RGS10: variants seen among roughly 807,000 people sequenced by gnomAD.
RGS10 encodes regulator of G protein signaling 10.
Under a neutral mutation model 23.5 loss-of-function variants are expected in RGS10, and 11 were observed. The ratio of observed to expected loss-of-function variants is 0.47; its 90% confidence interval spans 0.29 to 0.77. RGS10 has a LOEUF of 0.77. Ranked by LOEUF, RGS10 falls within the 30% of genes least tolerant of loss-of-function variation. The pLI, the probability that RGS10 is intolerant of heterozygous loss-of-function variation, is 0.08. For synonymous variants in RGS10, 77 were observed against 83.2 expected (o/e 0.92, Z 0.41); for missense variants, 180 against 226.3 (o/e 0.80, Z 1.31).
At chr10:119,504,745 T>G (rs1407849748) in intron 4 of RGS10, among the ~76,000 whole-genome samples, 2 of 151,918 alleles carry the variant, frequency 1.3e-5, no homozygotes, top group East Asian at 3.9e-4. Context: ...GAGGGAGACA[T>G]CGGTGATGCA....
intron 4 of RGS10, among the ~76,000 whole-genome samples, chr10:119,505,741 A>G (rs1165460808): frequency 6.6e-6 from 1 of 152,188 alleles, no homozygotes; most frequent in Non-Finnish European, 1.5e-5. Flanking sequence ...CCAGCCTTGA[A>G]GGCCCCTCTG....
chr10:119,534,304 T>TAAAA (rs370365968), intron 1 of RGS10, among the ~76,000 whole-genome samples: 30 of 117,258 alleles, frequency 2.6e-4, no homozygotes, highest in East Asian at 8.1e-4. Flanking sequence ...AATAAATAAA[T>TAAAA]AAAAAAGGCC....
intron 4 of RGS10, among the ~76,000 whole-genome samples, chr10:119,502,606 A>C (rs1843964976): frequency 6.6e-6 from 1 of 151,734 alleles, no homozygotes; most frequent in East Asian, 1.9e-4. Flanking sequence ...GAGGAGGGGG[A>C]GGGAAGGAGG....
At chr10:119,506,477 C>T (rs937826808) in intron 4 of RGS10, among the ~76,000 whole-genome samples, 18 of 152,354 alleles carry the variant, frequency 1.2e-4, no homozygotes, top group African/African-American at 3.8e-4. Flanking sequence ...CTCGCTTGGA[C>T]GATATCCCCT....
rs990949079 is a variant in RGS10, at chr10:119,520,395, AGCC to A, written c.256-4746_256-4744del. Among the ~76,000 whole-genome samples, 12 of 152,264 alleles carry A rather than the reference AGCC, an allele frequency of 7.9e-5. No individual in the cohort carries two copies. In the South Asian group the frequency reaches 8.3e-4, roughly 11 times the overall value. On this transcript the variant is annotated intron_variant, in intron 3 of 4. Coordinates refer to ENST00000369103, the MANE Select transcript of RGS10 (RefSeq NM_001005339.2). Reference sequence around the variant, plus strand: ...CGGCAGGAGCTCGAGGGCATCAGGTAGCCCAGACGGAATTGATGAGGGCGGCAG... The same window carrying A: ...CGGCAGGAGCTCGAGGGCATCAGGTACAGACGGAATTGATGAGGGCGGCAG...
chr10:119,501,580 G>A (rs774940972), intron 4 of RGS10, among the ~76,000 whole-genome samples: 4 of 151,876 alleles, frequency 2.6e-5, no homozygotes, highest in Non-Finnish European at 5.9e-5. Context: ...AAAATTAGCC[G>A]AGCGTGGTGG....
At chr10:119,521,792 T>C (rs560785826) in intron 3 of RGS10, among the ~76,000 whole-genome samples, 1 of 151,388 alleles carries the variant, frequency 6.6e-6, no homozygotes, top group Admixed American at 6.6e-5. Flanking sequence ...GACTAAGGAA[T>C]AATGTCTTCA....
chr10:119,536,723 CAA>C (rs1042057376), intron 1 of RGS10, among the ~76,000 whole-genome samples: 20 of 152,104 alleles, frequency 1.3e-4, no homozygotes, highest in African/African-American at 3.9e-4. Context: ...ACTTTCTAGG[CAA>C]AGTCCAGAAA....
intron 3 of RGS10, among the ~76,000 whole-genome samples, chr10:119,519,502 C>T (rs1390111753): frequency 4.7e-5 from 6 of 127,342 alleles, no homozygotes; most frequent in African/African-American, 1.2e-4. Flanking sequence ...TCTCCCAGCT[C>T]CTGTCTCCCT....
At chr10:119,536,084 C>T (rs1300058738) in intron 1 of RGS10, among the ~76,000 whole-genome samples, 3 of 152,154 alleles carry the variant, frequency 2.0e-5, no homozygotes, top group African/African-American at 4.8e-5. Flanking sequence ...AAGTGTTTAT[C>T]GGCTCCAGTA....
chr10:119,525,154 G>A (rs1013692086), intron 3 of RGS10, among the ~76,000 whole-genome samples: 4 of 152,098 alleles, frequency 2.6e-5, no homozygotes, highest in Non-Finnish European at 5.9e-5. Flanking sequence ...AAAAACAGGC[G>A]GTACTAGGTG....
rs1406772275 is a variant in RGS10, at chr10:119,515,204, T to TCA, written c.399+303_399+304dup. On this transcript the variant is annotated intron_variant, in intron 4 of 4. Coordinates refer to ENST00000369103, the MANE Select transcript of RGS10 (RefSeq NM_001005339.2). ...CCTTCAGCAATTATAGGTTGCTTTC[T>TCA]CAGTACAGGCTCCTCAAATAGCTCC... is the stretch of plus-strand genomic sequence containing the variant. Among the ~76,000 whole-genome samples, 6 of 152,264 alleles carry TCA rather than the reference T, an allele frequency of 3.9e-5. No homozygotes were observed. In the South Asian group the frequency reaches 1.0e-3, roughly 26 times the overall value.
At chr10:119,530,661 C>T (rs1167026930) in intron 1 of RGS10, among the ~76,000 whole-genome samples, 1 of 152,150 alleles carries the variant, frequency 6.6e-6, no homozygotes, top group African/African-American at 2.4e-5. Flanking sequence ...CCTGTGTGTA[C>T]AAAAAATACA....
intron 3 of RGS10, among the ~76,000 whole-genome samples, chr10:119,520,352 G>A (rs1007346573): frequency 2.6e-5 from 4 of 152,186 alleles, no homozygotes; most frequent in Non-Finnish European, 2.9e-5. Flanking sequence ...GGGTGCCAAC[G>A]AGAAGCGCGT....
intron 3 of RGS10, among the ~76,000 whole-genome samples, chr10:119,516,797 G>A (rs184728718): frequency 3.9e-4 from 59 of 152,208 alleles, no homozygotes; most frequent in African/African-American, 1.4e-3. Context: ...GCCTCAGGGC[G>A]GGGCTGCAGG....
intron 3 of RGS10, among the ~76,000 whole-genome samples, chr10:119,519,071 T>G (rs1278447014): frequency 6.6e-6 from 1 of 152,154 alleles, no homozygotes; most frequent in Non-Finnish European, 1.5e-5. Flanking sequence ...TCCCTCCCAT[T>G]CATTCCTCAC....
intron 3 of RGS10, among the ~76,000 whole-genome samples, chr10:119,521,133 G>T (rs1844208157): frequency 6.6e-6 from 1 of 152,166 alleles, no homozygotes. Flanking sequence ...CACTTTGGGA[G>T]GCTGAGGCGA....
chr10:119,539,003 G>A (rs369993102), intron 1 of RGS10, among the ~76,000 whole-genome samples: 1 of 152,180 alleles, frequency 6.6e-6, no homozygotes, highest in Non-Finnish European at 1.5e-5. Flanking sequence ...GAAGAAAGGA[G>A]ACATCACATC....
intron 3 of RGS10, among the ~76,000 whole-genome samples, chr10:119,520,979 A>T (rs1844206031): frequency 6.6e-6 from 1 of 152,158 alleles, no homozygotes; most frequent in Non-Finnish European, 1.5e-5. Flanking sequence ...AGAACTACAA[A>T]TTTCCAGATT....
Sources: gnomAD v4.1 joint callset for allele counts (sites outside exome capture counted in the v4.1 genomes callset) on GRCh38, gnomAD v4.1.1 for gene constraint, MANE v1.5 for transcripts, NCBI Gene and HGNC (gene_info 2026-07-23, HGNC 2026-07-21) for gene names.